Variants in MAPT observed in about 807,000 individuals in gnomAD.
MAPT encodes microtubule associated protein tau, also known as microtubule-associated protein tau.
In MAPT, 34 loss-of-function variants were observed where a neutral mutation model predicts 67.9. That is an observed-to-expected ratio of 0.50 (90% CI 0.38 to 0.67). The LOEUF (loss-of-function observed/expected upper bound fraction) is 0.67. Among genes scored for constraint, MAPT ranks in the 30% least tolerant of loss-of-function variants. MAPT has a pLI of 0.00. For synonymous variants in MAPT, 456 were observed against 464.5 expected, an observed-to-expected ratio of 0.98 and a Z score of 0.23; for missense variants, 881 against 1,115.2, an observed-to-expected ratio of 0.79 and a Z score of 2.99.
intron 1 of MAPT, among the ~76,000 whole-genome samples, chr17:45,919,538 T>A (rs756004896): frequency 3.9e-5 from 6 of 152,168 alleles, no homozygotes; most frequent in Non-Finnish European, 7.3e-5. Context: ...CTCCTTTACA[T>A]GTTTCTACCT....
intron 1 of MAPT, among the ~76,000 whole-genome samples, chr17:45,908,553 C>G (rs1407864541): frequency 6.6e-6 from 1 of 152,170 alleles, no homozygotes; most frequent in Admixed American, 6.5e-5. Flanking sequence ...CCTCAAAAAT[C>G]CACTTTACTT....
chr17:45,979,876 TG>T (rs1358462681), intron 4 of MAPT: 1 of 152,196 alleles, frequency 6.6e-6, no homozygotes, highest in Non-Finnish European at 1.5e-5. Context: ...GCTGGGAACT[TG>T]ACTTTTGTGC....
intron 1 of MAPT, among the ~76,000 whole-genome samples, chr17:45,934,788 A>G (rs1568195314): frequency 6.6e-6 from 1 of 152,174 alleles, no homozygotes; most frequent in African/African-American, 2.4e-5. Context: ...GACTTTGCAC[A>G]TGGGGCTTGC....
rs1488367656 is a variant in MAPT at position 46,027,630 on chromosome 17, A to G, written c.*3459A>G. The G allele has an allele frequency of 1.3e-5, 2 of 152,210 alleles. No individual in the cohort carries two copies. The highest frequency in any genetic ancestry group is 2.4e-5 in the African/African-American group (1 of 41,424). 9.4% of individuals were successfully genotyped at this position (152,210 alleles called of 1,614,324 possible). On this transcript the variant is annotated 3_prime_UTR_variant, in exon 13 of 13. Transcript: ENST00000262410. ...CTTAAACTGCCTCGTAACCCTTTTC[A>G]TGATTTCAACCACATTTGCTAGAGG... is the stretch of plus-strand genomic sequence containing the variant.
intron 1 of MAPT, among the ~76,000 whole-genome samples, chr17:45,950,851 C>A (rs541596199): frequency 6.6e-6 from 1 of 151,902 alleles, no homozygotes; most frequent in African/African-American, 2.4e-5. Flanking sequence ...TTAGTAGAGA[C>A]GGGGTTTCAC....
intron 1 of MAPT, among the ~76,000 whole-genome samples, chr17:45,922,023 C>CT (rs751167232): frequency 2.3e-4 from 34 of 146,450 alleles, no homozygotes; most frequent in East Asian, 4.0e-4. Flanking sequence ...GGTGAGTTTG[C>CT]TTTTTTTTTT....
rs376432480 is a variant in MAPT at position 45,969,524 on chromosome 17, A to C, written c.134-2335A>C. Among the ~76,000 whole-genome samples the C allele has an allele frequency of 3.3e-5, 5 of 151,146 alleles. No homozygotes were observed. The East Asian group carries it at 9.8e-4, about 30-fold the overall frequency. On this transcript the variant is annotated intron_variant, in intron 2 of 12. Transcript: ENST00000262410. Reference sequence around the variant, plus strand: ...CATACATCCAATCATATATCTGTACATAATCCATTCTTCCCTCGGTTCATC... The same window carrying C: ...CATACATCCAATCATATATCTGTACCTAATCCATTCTTCCCTCGGTTCATC...
intron 1 of MAPT, among the ~76,000 whole-genome samples, chr17:45,934,430 G>T (rs141027617): frequency 6.6e-6 from 1 of 152,292 alleles, no homozygotes; most frequent in African/African-American, 2.4e-5. Context: ...ACGCATGTGT[G>T]TATTTTTTTT....
chr17:45,899,926 C>G (rs1266276009), intron 1 of MAPT, among the ~76,000 whole-genome samples: 8 of 152,076 alleles, frequency 5.3e-5, no homozygotes, highest in Non-Finnish European at 8.8e-5. Context: ...TTTGATTGAC[C>G]CAGGGAAGGC....
chr17:45,940,346 G>A, intron 1 of MAPT, among the ~76,000 whole-genome samples: 1 of 152,200 alleles, frequency 6.6e-6, no homozygotes, highest in East Asian at 1.9e-4. Context: ...CCACTGACAA[G>A]CTGTGTGTCC....
chr17:45,925,566 A>C (rs1019365048), intron 1 of MAPT, among the ~76,000 whole-genome samples: 1 of 111,274 alleles, frequency 9.0e-6, no homozygotes, highest in African/African-American at 3.4e-5. Flanking sequence ...GATGTTCATC[A>C]AAGTGTTGTT....
intron 1 of MAPT, among the ~76,000 whole-genome samples, chr17:45,950,476 G>A (rs973347497): frequency 1.3e-5 from 2 of 152,012 alleles, no homozygotes; most frequent in African/African-American, 4.8e-5. Context: ...GGAGGCCCCA[G>A]CCTTGGCAAA....
intron 1 of MAPT, among the ~76,000 whole-genome samples, chr17:45,957,453 C>A (rs1034667093): frequency 6.6e-6 from 1 of 152,180 alleles, no homozygotes; most frequent in African/African-American, 2.4e-5. Flanking sequence ...TCTGTCTGAT[C>A]AAAAGAGGCT....
At position 45,962,479 on chromosome 17, in the gene MAPT, A is replaced by G. The variant is rs765363099; in HGVS notation, c.133+9A>G. The G allele has an allele frequency of 6.2e-7, 1 of 1,612,318 alleles. No homozygotes were observed. On this transcript the variant is annotated intron_variant, in intron 2 of 12. Transcript: ENST00000262410. ...GGACGCTGGCCTGAAAGGTTAGTGG[A>G]CAGCCATGCACAGCAGGCCCAGATC...
chr17:45,962,384 G>T lies in MAPT; in HGVS notation c.47G>T (p.Gly16Val), dbSNP rs755131800. Residue 16 changes from glycine (G) to valine (V), a missense_variant, in exon 2 of 13, where the codon GGG (glycine) becomes GTG (valine). Gly to Val is a moderately radical substitution (Grantham distance 109, BLOSUM62 -3). This residue lies in a region of MAPT where 687 missense variants were observed against 766.1 expected (regional missense o/e 0.90). Transcript: ENST00000262410. ...QEFEVMEDHAGTYGLGDRKDQ... is the reference protein window; with the variant it reads ...QEFEVMEDHAVTYGLGDRKDQ... ...TTCGAAGTGATGGAAGATCACGCTG[G>T]GACGTACGGGTTGGGGGACAGGAAA... The T allele has an allele frequency of 3.7e-6, 6 of 1,612,582 alleles. No homozygotes were observed. Among genetic ancestry groups the T allele is most frequent in the Admixed American group, 1.7e-5 (1 of 60,008 alleles).
rs1411652580 is a variant in MAPT, at chr17:45,996,143, G to A, written c.1733-256G>A. Among the ~76,000 whole-genome samples, 2 of 152,200 alleles carry A rather than the reference G, an allele frequency of 1.3e-5. No individual in the cohort carries two copies. Among genetic ancestry groups the A allele is most frequent in the South Asian group, 2.1e-4 (1 of 4,826 alleles). ...AGCCGAGTTGGCCACCTCTCTGGGA[G>A]CGGGTATTGGATGGTGGTTGATGGT... On this transcript the variant is annotated intron_variant, in intron 8 of 12. Coordinates refer to ENST00000262410, the MANE Select transcript of MAPT (RefSeq NM_001377265.1). The surrounding 1 kb of genome is among the most constrained non-coding windows in gnomAD (Gnocchi z 4.5).
rs554290022 is a variant in MAPT, at chr17:45,915,424, T to C, written c.-18+20738T>C. The stretch of plus-strand genomic sequence containing the variant: ...CATGAGCATGTGTGTGGGCATGTGA[T>C]GTGTGTGTGGTGTGTAAGCATGTGT... On this transcript the variant is annotated intron_variant, in intron 1 of 12. Transcript: ENST00000262410. This position sits in a 1 kb window ranked among gnomAD's most constrained non-coding sequence, Gnocchi z 4.4. Among the ~76,000 whole-genome samples, 14 of 150,070 alleles carry C rather than the reference T, an allele frequency of 9.3e-5. No individual in the cohort carries two copies. In the East Asian group the frequency reaches 2.4e-3, roughly 25 times the overall value.
In MAPT at chr17:45,974,420, G is replaced by A. The variant is rs63751135; in HGVS notation, c.220+2475G>A. 85 of 1,610,596 alleles carry A rather than the reference G, an allele frequency of 5.3e-5. No individual in the cohort carries two copies. The highest frequency in any genetic ancestry group is 6.6e-5 in the South Asian group (6 of 90,244). The stretch of plus-strand genomic sequence containing the variant: ...ACCCTTAGTGGATGAGGGAGCTCCC[G>A]GCAAGCAGGCTGCCGCGCAGCCCCA... On this transcript the variant is annotated intron_variant, in intron 3 of 12. Transcript: ENST00000262410.
chr17:45,921,541 ACCCGGTGC>A (rs1344056497), intron 1 of MAPT, among the ~76,000 whole-genome samples: 2 of 152,210 alleles, frequency 1.3e-5, no homozygotes, highest in South Asian at 2.1e-4. Flanking sequence ...GCATCATGTC[ACCCGGTGC>A]CCCCATGCAG....
Sources: gnomAD v4.1 joint callset for allele counts (sites outside exome capture counted in the v4.1 genomes callset) on GRCh38, gnomAD v4.1.1 for gene constraint, gnomAD v4.1.1 regional missense constraint, Gnocchi (gnomAD v3.1) non-coding constraint, MANE v1.5 for transcripts, NCBI Gene and HGNC (gene_info 2026-07-23, HGNC 2026-07-21) for gene names.